Variants in ADAM12 observed in about 807,000 individuals in gnomAD.
ADAM12 encodes ADAM metallopeptidase domain 12, also known as disintegrin and metalloproteinase domain-containing protein 12.
A neutral mutation model predicts 106.4 loss-of-function variants in ADAM12; 70 were observed. The observed-to-expected ratio is 0.66, with a 90% CI of 0.54 to 0.80. The LOEUF (loss-of-function observed/expected upper bound fraction) is 0.80, where lower values mean the gene tolerates loss of function less well. ADAM12 is among the 30% of genes least tolerant of loss of function. ADAM12 has a pLI of 0.00. For missense variants in ADAM12, 1,010 were observed against 1,171.9 expected (o/e 0.86, Z 2.02); for synonymous variants, 420 against 433.5 (o/e 0.97, Z 0.39).
chr10:126,096,922 T>A (rs930497116), intron 10 of ADAM12, among the ~76,000 whole-genome samples: 13 of 152,216 alleles, frequency 8.5e-5, no homozygotes, highest in South Asian at 4.1e-4. Context: ...CATATACCTT[T>A]TTTAAAAATA....
chr10:126,043,221 G>T lies in ADAM12; in HGVS notation c.1996-73C>A. The T allele has an allele frequency of 1.4e-6, 2 of 1,419,010 alleles. No individual in the cohort carries two copies. The highest frequency in any genetic ancestry group is 1.9e-5 in the Admixed American group (1 of 52,550). The allele number at this position is 1,419,010 out of a possible 1,614,324, so 87.9% of individuals were successfully genotyped here. On this transcript the variant is annotated intron_variant, in intron 17 of 22. Transcript: ENST00000448723. This position sits in a 1 kb window ranked among gnomAD's most constrained non-coding sequence, Gnocchi z 4.1. ...GCATCACCACAGCAGAAGCAAGGGG[G>T]GCCATGGTCAGAGCCCCCCCCCAAC...
intron 3 of ADAM12, among the ~76,000 whole-genome samples, chr10:126,238,116 C>T (rs1455122904): frequency 6.6e-6 from 1 of 152,210 alleles, no homozygotes; most frequent in Admixed American, 6.5e-5. Context: ...GTGCAACTTT[C>T]ATTCTGTTTT....
At chr10:126,044,868 A>G (rs1293904190) in intron 17 of ADAM12, among the ~76,000 whole-genome samples, 1 of 152,234 alleles carries the variant, frequency 6.6e-6, no homozygotes, top group East Asian at 1.9e-4. Context: ...CTGTGGACGT[A>G]CTAGCCCCAG....
In ADAM12 at chr10:126,258,567, C is replaced by T. The variant is rs1010098114; in HGVS notation, c.260+20348G>A. Among the ~76,000 whole-genome samples, 7 of 152,324 alleles carry T rather than the reference C, an allele frequency of 4.6e-5. No homozygotes were observed. The South Asian group carries it at 6.2e-4, about 14-fold the overall frequency. On this transcript the variant is annotated intron_variant, in intron 3 of 22. Coordinates refer to ENST00000448723, the MANE Select transcript of ADAM12 (RefSeq NM_001288973.2). The stretch of plus-strand genomic sequence containing the variant: ...AGTGGCTTCCCCTGGTGCAGGGTGG[C>T]GTCTGAAACCTGGCCAGATCTAGTC...
chr10:126,147,518 T>C (rs7072419), intron 4 of ADAM12, among the ~76,000 whole-genome samples: 49,776 of 152,056 alleles, frequency 0.33, 8,457 homozygotes, highest in Non-Finnish European at 0.38. Flanking sequence ...TCAGGTCCTA[T>C]ACGCTATGAC....
At chr10:126,348,870 C>T (rs1187026353) in intron 1 of ADAM12, among the ~76,000 whole-genome samples, 1 of 152,108 alleles carries the variant, frequency 6.6e-6, no homozygotes, top group Non-Finnish European at 1.5e-5. Flanking sequence ...CCATGCAATA[C>T]TGAGGATATA....
chr10:126,381,398 G>A (rs1056549388), intron 1 of ADAM12, among the ~76,000 whole-genome samples: 1 of 152,142 alleles, frequency 6.6e-6, no homozygotes, highest in Non-Finnish European at 1.5e-5. Flanking sequence ...AACACTTTTG[G>A]GGGGCTGCGG....
chr10:126,379,524 C>A (rs1856417825), intron 1 of ADAM12, among the ~76,000 whole-genome samples: 1 of 152,000 alleles, frequency 6.6e-6, no homozygotes, highest in Admixed American at 6.6e-5. Flanking sequence ...GGGAACATCA[C>A]ACACTGGGGC....
At chr10:126,083,459 T>G (rs3781018) in intron 11 of ADAM12, among the ~76,000 whole-genome samples, 7,536 of 152,292 alleles carry the variant, frequency 0.049, 277 homozygotes, top group East Asian at 0.13. Context: ...GCAGCAGTAG[T>G]ATCCATGGGT....
At chr10:126,092,100 C>T (rs11517288) in intron 11 of ADAM12, among the ~76,000 whole-genome samples, 41,723 of 152,082 alleles carry the variant, frequency 0.27, 7,379 homozygotes, top group Non-Finnish European at 0.39. Context: ...TGTTCTTGAT[C>T]TAGGTTTTCC....
intron 3 of ADAM12, among the ~76,000 whole-genome samples, chr10:126,166,666 T>G (rs899390413): frequency 6.6e-6 from 1 of 152,076 alleles, no homozygotes; most frequent in African/African-American, 2.4e-5. Flanking sequence ...ACCCAGGTAA[T>G]TTTTGTATTT....
At chr10:126,347,345 C>T (rs1030685558) in intron 1 of ADAM12, among the ~76,000 whole-genome samples, 10 of 152,136 alleles carry the variant, frequency 6.6e-5, no homozygotes, top group African/African-American at 1.4e-4. Context: ...TGTTGAATAT[C>T]GGCCCCCACT....
At chr10:126,178,788 T>C (rs1957264690) in intron 3 of ADAM12, among the ~76,000 whole-genome samples, 1 of 152,180 alleles carries the variant, frequency 6.6e-6, no homozygotes, top group Non-Finnish European at 1.5e-5. Flanking sequence ...GGCTCACGCC[T>C]GTAATCCCAG....
At chr10:126,249,521 A>G (rs992887262) in intron 3 of ADAM12, among the ~76,000 whole-genome samples, 2 of 152,196 alleles carry the variant, frequency 1.3e-5, no homozygotes, top group African/African-American at 4.8e-5. Flanking sequence ...AACACCGTGA[A>G]ACCCGTCTCT....
intron 3 of ADAM12, among the ~76,000 whole-genome samples, chr10:126,160,697 A>C (rs1436458898): frequency 6.6e-6 from 1 of 151,374 alleles, no homozygotes; most frequent in African/African-American, 2.4e-5. Flanking sequence ...CCCTGCTAAA[A>C]CTCTTTAGTG....
At chr10:126,143,288 G>GTA (rs1330086650) in intron 4 of ADAM12, among the ~76,000 whole-genome samples, 1 of 149,484 alleles carries the variant, frequency 6.7e-6, no homozygotes, top group Non-Finnish European at 1.5e-5. Flanking sequence ...GTATGCATGT[G>GTA]TGTGTGTGCA....
At chr10:126,241,228 G>A (rs776358618) in intron 3 of ADAM12, among the ~76,000 whole-genome samples, 1 of 152,220 alleles carries the variant, frequency 6.6e-6, no homozygotes, top group Non-Finnish European at 1.5e-5. Context: ...ATGGGCAAAC[G>A]GAGAATAGGA....
At chr10:126,326,639 G>C (rs1854314132) in intron 2 of ADAM12, among the ~76,000 whole-genome samples, 1 of 152,160 alleles carries the variant, frequency 6.6e-6, no homozygotes, top group African/African-American at 2.4e-5. Context: ...CTACACTGCA[G>C]TCTGGGCACA....
At chr10:126,261,928 A>C (rs886981436) in intron 3 of ADAM12, among the ~76,000 whole-genome samples, 1 of 151,418 alleles carries the variant, frequency 6.6e-6, no homozygotes, top group African/African-American at 2.4e-5. Flanking sequence ...TCAGCCTCCC[A>C]GGATAGTATT....
Sources: gnomAD v4.1 joint callset for allele counts (sites outside exome capture counted in the v4.1 genomes callset) on GRCh38, gnomAD v4.1.1 for gene constraint, Gnocchi (gnomAD v3.1) non-coding constraint, MANE v1.5 for transcripts, NCBI Gene and HGNC (gene_info 2026-07-23, HGNC 2026-07-21) for gene names.